Variants in CCDC66 observed in about 807,000 individuals in gnomAD.
CCDC66 encodes coiled-coil domain containing 66.
A neutral mutation model predicts 128.3 loss-of-function variants in CCDC66; 133 were observed. The ratio of observed to expected loss-of-function variants is 1.04; its 90% CI spans 0.90 to 1.20. The LOEUF is 1.20. CCDC66 is among the 50% of genes most tolerant of loss of function. CCDC66 has a pLI of 0.00. For missense variants in CCDC66, 1,126 were observed against 1,075.5 expected (o/e 1.05, Z -0.66); for synonymous variants, 387 against 357.0 (o/e 1.08, Z -0.95).
chr3:56,591,651 A>G (rs749347750), intron 7 of CCDC66, among the ~76,000 whole-genome samples: 10 of 152,258 alleles, frequency 6.6e-5, no homozygotes, highest in Non-Finnish European at 1.5e-4. Context: ...AAAAATTGTT[A>G]AATCTTTTAC....
At chr3:56,587,067 T>A (rs1353097285) in intron 7 of CCDC66, among the ~76,000 whole-genome samples, 3 of 151,820 alleles carry the variant, frequency 2.0e-5, no homozygotes, top group African/African-American at 7.2e-5. Context: ...TGCCAATATA[T>A]TATTACTATT....
chr3:56,566,774 T>G lies in CCDC66; in HGVS notation c.710+15T>G. Reference sequence around the variant, plus strand: ...AAAATTGCCATGTATGTAACTCCTATCTGTTGTTATTGTGTGGTCATCTTC... The same window carrying G: ...AAAATTGCCATGTATGTAACTCCTAGCTGTTGTTATTGTGTGGTCATCTTC... On this transcript the variant is annotated intron_variant, in intron 5 of 17. Transcript: ENST00000394672. 6.2e-7 allele frequency: 1 copy of G among 1,601,962 alleles called. No individual in the cohort carries two copies. Among genetic ancestry groups the G allele is most frequent in the South Asian group, 1.1e-5 (1 of 88,880 alleles).
chr3:56,572,276 G>T (rs982160290), intron 7 of CCDC66: 19 of 972,806 alleles, frequency 2.0e-5, no homozygotes, highest in Non-Finnish European at 2.1e-5. Context: ...TTTATCTGTG[G>T]TTAATTTTGG....
chr3:56,615,517 G>A (rs1373009731), intron 12 of CCDC66: 2 of 410,104 alleles, frequency 4.9e-6, no homozygotes, highest in East Asian at 4.5e-5. Context: ...GGGATTACAG[G>A]TGTGAGTCAC....
At chr3:56,615,317 G>T in intron 12 of CCDC66, 45 bp downstream of exon 12, 2 of 1,535,154 alleles carry the variant, frequency 1.3e-6, no homozygotes, top group Middle Eastern at 1.7e-4. Context: ...TTTAGAAGAT[G>T]ATTTTAAATA....
chr3:56,568,872 C>T (rs919010957), intron 6 of CCDC66, among the ~76,000 whole-genome samples: 2 of 152,228 alleles, frequency 1.3e-5, no homozygotes, highest in African/African-American at 4.8e-5. Context: ...ATATCCATTA[C>T]TTCTTCGACT....
rs749948180 is a variant in CCDC66, at chr3:56,614,261, TGAG to T, written c.1566+516_1566+518del. Among the ~76,000 whole-genome samples, 13 of 152,312 alleles carry T rather than the reference TGAG, an allele frequency of 8.5e-5. 1 individual carries two copies. The highest frequency in any genetic ancestry group is 1.3e-4 in the Admixed American group (2 of 15,292). On this transcript the variant is annotated intron_variant, in intron 11 of 17. Coordinates refer to ENST00000394672, the MANE Select transcript of CCDC66 (RefSeq NM_001141947.3). The stretch of plus-strand genomic sequence containing the variant: ...GTTATATTGGTTTGGCTTTTTCTGT[TGAG>T]GAGGTCAAGATGAATTATTACAGCA...
At chr3:56,560,929 C>T (rs902597577) in intron 3 of CCDC66, 16 of 456,542 alleles carry the variant, frequency 3.5e-5, no homozygotes, top group Middle Eastern at 3.2e-4. Flanking sequence ...TATCCTTCAA[C>T]TCTAAGCCCT....
intron 17 of CCDC66, chr3:56,621,194 C>A (rs1357248491): frequency 6.2e-6 from 1 of 161,348 alleles, no homozygotes; most frequent in East Asian, 1.8e-4. Flanking sequence ...AAAAAAAAAA[C>A]ACTGTATGTT....
intron 14 of CCDC66, 93 bp downstream of exon 14, chr3:56,617,698 G>C (rs1205969818): frequency 6.8e-7 from 1 of 1,460,256 alleles, no homozygotes; most frequent in African/African-American, 1.4e-5. Context: ...GTTCTGATCT[G>C]TTTCAGTTTA....
chr3:56,584,381 G>A (rs76811210), intron 7 of CCDC66, among the ~76,000 whole-genome samples: 3,554 of 149,358 alleles, frequency 0.024, 69 homozygotes, highest in Middle Eastern at 0.032. Flanking sequence ...CAGACGGGGC[G>A]GCTGCCGGGT....
intron 10 of CCDC66, among the ~76,000 whole-genome samples, chr3:56,597,080 G>T (rs2072112184): frequency 6.6e-6 from 1 of 151,658 alleles, no homozygotes; most frequent in African/African-American, 2.4e-5. Context: ...TTTTGAATAT[G>T]GTGAGAGATG....
At chr3:56,568,979 C>T (rs2066261255) in intron 6 of CCDC66, among the ~76,000 whole-genome samples, 1 of 152,134 alleles carries the variant, frequency 6.6e-6, no homozygotes, top group Non-Finnish European at 1.5e-5. Flanking sequence ...TGGGCTTCAC[C>T]CTAGTTGAAA....
At position 56,597,778 on chromosome 3, in the gene CCDC66, T is replaced by TTTTTTTTTTTTGGTTTTTTTTGG. The variant is rs1553696369; in HGVS notation, c.1404+3761_1404+3762insGGTTTTTTTTGGTTTTTTTTTTT. Among the ~76,000 whole-genome samples, 50 of 34,222 alleles carry TTTTTTTTTTTTGGTTTTTTTTGG rather than the reference T, an allele frequency of 1.5e-3. 3 individuals carry two copies. Among genetic ancestry groups the TTTTTTTTTTTTGGTTTTTTTTGG allele is most frequent in the African/African-American group, 8.6e-3 (49 of 5,706 alleles). The allele number at this position is 34,222 out of a possible 152,430, so 22.5% of individuals were successfully genotyped here. A position where few individuals can be genotyped will look rare whatever the true frequency, so the allele number is the denominator to read the frequency against. ...GTGGAGTCTAGGTTTTGTTTTGGGGTTTTTTTTTTTTTTTGAGACAGAGCC... is the reference window on the plus strand; with the variant it reads ...GTGGAGTCTAGGTTTTGTTTTGGGGTTTTTTTTTTTTGGTTTTTTTTGGTTTTTTTTTTTTTTGAGACAGAGCC... On this transcript the variant is annotated intron_variant, in intron 10 of 17. Transcript: ENST00000394672.
At position 56,619,780 on chromosome 3, in the gene CCDC66, G is replaced by A; in HGVS notation, c.2639G>A (p.Cys880Tyr). Reference sequence around the variant, plus strand: ...TGTTACTTTCATCTGGCTTTAGACTGTGGCCAAAAACGACAGCTATTTGAT... The same window carrying A: ...TGTTACTTTCATCTGGCTTTAGACTATGGCCAAAAACGACAGCTATTTGAT... ...QDPQYQNSQD[C>Y]GQKRQLFDSD... The change falls in exon 17 of 18, where the codon TGT (cysteine) becomes TAT (tyrosine). Residue 880 changes from cysteine (C) to tyrosine (Y), a missense_variant. By Grantham distance (194) the Cys-to-Tyr change is radical. Transcript: ENST00000394672. 6.2e-7 allele frequency: 1 copy of A among 1,613,906 alleles called. No homozygotes were observed.
Position 56,579,704 on chromosome 3 carries a change from T to C in CCDC66, c.936+8402T>C, listed in dbSNP as rs2068003689. Among the ~76,000 whole-genome samples, 4 of 152,028 alleles carry C rather than the reference T, an allele frequency of 2.6e-5. No individual in the cohort carries two copies. The South Asian group carries it at 8.3e-4, about 32-fold the overall frequency. On this transcript the variant is annotated intron_variant, in intron 7 of 17. Transcript: ENST00000394672. ...TCAGGAGCAGGTTGATCAGTTTCCA[T>C]GTAGTTGAGTGGTTTTGAGTGAATT...
In CCDC66 at chr3:56,616,497, C is replaced by T. The variant is rs78421069; in HGVS notation, c.1843+444C>T. The T allele has an allele frequency of 1.9e-3, 313 of 161,612 alleles. 1 individual carries two copies. Among genetic ancestry groups the T allele is most frequent in the African/African-American group, 7.2e-3 (300 of 41,620 alleles). 10.0% of individuals were successfully genotyped at this position (161,612 alleles called of 1,614,324 possible). ...ATCCATGTTGTAGCATGTGTCAGTA[C>T]TTCATTCCTGTTTGTCACTGAATAA... On this transcript the variant is annotated intron_variant, in intron 13 of 17. Coordinates refer to ENST00000394672, the MANE Select transcript of CCDC66 (RefSeq NM_001141947.3).
chr3:56,570,345 A>G (rs1332038889), intron 6 of CCDC66: 1 of 152,232 alleles, frequency 6.6e-6, no homozygotes, highest in African/African-American at 2.4e-5. Flanking sequence ...CTTGTCAGCA[A>G]TTAAGAAATA....
At position 56,571,207 on chromosome 3, in the gene CCDC66, GA is replaced by G. The variant is rs1231793819; in HGVS notation, c.846del (p.Glu283LysfsTer18). The stretch of plus-strand genomic sequence containing the variant: ...TGAACAGGTTGCTTTAAAGAAGAAA[GA>G]AAAAGAAGTTTCTGAAAAATGGAAT... Reference protein sequence around the residue: ...LDEQVALKKKEKEVSEKWNDP... With the variant: ...LDEQVALKKKXKEVSEKWNDP... On this transcript the variant is annotated frameshift_variant, in exon 7 of 18. Transcript: ENST00000394672. LOFTEE classifies it high-confidence loss of function. 6.5e-7 allele frequency: 1 copy of G among 1,529,888 alleles called. No individual in the cohort carries two copies. Among genetic ancestry groups the G allele is most frequent in the Admixed American group, 2.0e-5 (1 of 49,958 alleles). The allele number at this position is 1,529,888 out of a possible 1,614,324, so 94.8% of individuals were successfully genotyped here.
Sources: gnomAD v4.1 joint callset for allele counts (sites outside exome capture counted in the v4.1 genomes callset) on GRCh38, gnomAD v4.1.1 for gene constraint, MANE v1.5 for transcripts, NCBI Gene and HGNC (gene_info 2026-07-23, HGNC 2026-07-21) for gene names.